ITPR1: variants seen among roughly 807,000 people sequenced by gnomAD.
ITPR1 encodes inositol 1,4,5-trisphosphate receptor type 1.
Under a neutral mutation model 318.4 loss-of-function variants are expected in ITPR1, and 96 were observed. The ratio of observed to expected loss-of-function variants is 0.30; its 90% confidence interval spans 0.26 to 0.36. The LOEUF (loss-of-function observed/expected upper bound fraction) is 0.36. Among genes scored for constraint, ITPR1 ranks in the 10% least tolerant of loss-of-function variants. The pLI is 1.00. For synonymous variants in ITPR1, 1,312 were observed against 1,289.9 expected (o/e 1.02, Z -0.37); for missense variants, 2,440 against 3,460.2 (o/e 0.71, Z 7.40).
At chr3:4,664,439 T>G (rs2093903236) in intron 16 of ITPR1, among the ~76,000 whole-genome samples, 1 of 152,150 alleles carries the variant, frequency 6.6e-6, no homozygotes, top group Non-Finnish European at 1.5e-5. Flanking sequence ...AGAAACATAT[T>G]AGTTACAAGT....
At chr3:4,549,021 CAG>C (rs993623802) in intron 4 of ITPR1, among the ~76,000 whole-genome samples, 3 of 152,156 alleles carry the variant, frequency 2.0e-5, no homozygotes, top group Admixed American at 2.0e-4. Context: ...TTCTTGGTCA[CAG>C]AGTGCAAACA....
chr3:4,823,626 G>T (rs139857783), intron 60 of ITPR1, among the ~76,000 whole-genome samples: 1 of 152,122 alleles, frequency 6.6e-6, no homozygotes, highest in Non-Finnish European at 1.5e-5. Context: ...AATTGATCAC[G>T]TGGCAAGTGG....
intron 14 of ITPR1, among the ~76,000 whole-genome samples, chr3:4,661,466 T>G (rs2093831321): frequency 6.6e-6 from 1 of 152,188 alleles, no homozygotes; most frequent in Admixed American, 6.5e-5. Context: ...TCTCTCTATA[T>G]GTCAATATAC....
intron 5 of ITPR1, among the ~76,000 whole-genome samples, chr3:4,631,648 A>C (rs1034292322): frequency 3.9e-5 from 6 of 152,166 alleles, no homozygotes; most frequent in African/African-American, 1.4e-4. Flanking sequence ...TCTTTTTCCA[A>C]AATAATCAGC....
At chr3:4,542,101 C>T (rs939854474) in intron 4 of ITPR1, among the ~76,000 whole-genome samples, 1 of 152,108 alleles carries the variant, frequency 6.6e-6, no homozygotes, top group Non-Finnish European at 1.5e-5. Context: ...TTTGGGACTT[C>T]TGAAACGTTT....
At chr3:4,713,748 A>G (rs997892566) in intron 39 of ITPR1, among the ~76,000 whole-genome samples, 4 of 152,238 alleles carry the variant, frequency 2.6e-5, no homozygotes, top group Middle Eastern at 3.2e-3. Flanking sequence ...CCTGGGGTCT[A>G]GCTTAAATCC....
At chr3:4,520,840 C>A (rs1032485638) in intron 3 of ITPR1, among the ~76,000 whole-genome samples, 184 bp from the exon 4 acceptor site, 12 of 152,192 alleles carry the variant, frequency 7.9e-5, no homozygotes, top group Admixed American at 2.0e-4. Flanking sequence ...CAGAACAGAA[C>A]CCTGGGCTTT....
At chr3:4,522,562 A>C (rs555110194) in intron 4 of ITPR1, among the ~76,000 whole-genome samples, 25 of 152,330 alleles carry the variant, frequency 1.6e-4, no homozygotes, top group South Asian at 1.0e-3. Context: ...ACAGTTGTTG[A>C]TACAAGTTGT....
chr3:4,782,279 A>C, intron 49 of ITPR1: 1 of 174,614 alleles, frequency 5.7e-6, no homozygotes, highest in Non-Finnish European at 1.2e-5. Context: ...TTGAGATAGG[A>C]AAAGTCTGGC....
intron 60 of ITPR1, among the ~76,000 whole-genome samples, chr3:4,827,961 G>A (rs750333675): frequency 5.3e-5 from 8 of 152,058 alleles, no homozygotes; most frequent in East Asian, 1.9e-4. Context: ...ATGGCGAGAC[G>A]GATAACATCT....
intron 60 of ITPR1, among the ~76,000 whole-genome samples, chr3:4,820,809 A>G (rs2049658413): frequency 6.6e-6 from 1 of 151,212 alleles, no homozygotes. Flanking sequence ...TAGGCTTGAA[A>G]CCACATGAAT....
At position 4,670,779 on chromosome 3, in the gene ITPR1, A is replaced by G. The variant is rs770855327; in HGVS notation, c.2057A>G (p.Asn686Ser). ...GAAGGTGTCTCTTCCACTGGAGAGA[A>G]TGCTCTGGAGGCAGGAGAAGACGAG... ...EFEGVSSTGE[N>S]ALEAGEDEEE... The change falls in exon 20 of 62, where the codon AAT becomes AGT. Residue 686 changes from asparagine to serine, a missense_variant. Physicochemically the swap from Asn to Ser is conservative, Grantham distance 46. Transcript: ENST00000649015. 1.2e-6 allele frequency: 2 copies of G among 1,607,190 alleles called. No homozygotes were observed. Among genetic ancestry groups the G allele is most frequent in the South Asian group, 1.1e-5 (1 of 89,568 alleles).
At position 4,787,998 on chromosome 3, in the gene ITPR1, A is replaced by T; in HGVS notation, c.6667A>T (p.Ile2223Leu). 6.2e-7 allele frequency: 1 copy of T among 1,613,148 alleles called. No homozygotes were observed. The highest frequency in any genetic ancestry group is 8.5e-7 in the Non-Finnish European group (1 of 1,179,384). Residue 2223 changes from isoleucine to leucine, a missense_variant, in exon 52 of 62, where the codon ATA becomes TTA. By Grantham distance (5) the Ile-to-Leu change is conservative. Coordinates refer to ENST00000649015, the MANE Select transcript of ITPR1 (RefSeq NM_001378452.1). ...ACAGATAGTCTTTCCCGTGCCCAGC[A>T]TATGTGAATTCCTAACCAAGGAGTC... Reference protein sequence around the residue: ...MEQIVFPVPSICEFLTKESKL... With the variant: ...MEQIVFPVPSLCEFLTKESKL...
intron 33 of ITPR1, among the ~76,000 whole-genome samples, chr3:4,695,866 C>T (rs2094549491): frequency 6.6e-6 from 1 of 152,278 alleles, no homozygotes; most frequent in African/African-American, 2.4e-5. Context: ...ATTGTGCATA[C>T]ATCCTGGCCC....
chr3:4,674,333 T>C lies in ITPR1; in HGVS notation c.2588T>C (p.Leu863Pro), dbSNP rs1364552347. ...TTCTCTGATAAAGAGAAGAATAAGC[T>C]TACGTTTGAGGTAACTCATGATGAA... ...FPFSDKEKNKLTFEVVNLARN... is the reference protein window; with the variant it reads ...FPFSDKEKNKPTFEVVNLARN... Residue 863 changes from leucine (L) to proline (P), a missense_variant, in exon 22 of 62, where the codon CTT becomes CCT. Leu to Pro is a moderately conservative substitution (Grantham distance 98). Around this residue, in one of 23 missense-constraint regions of ITPR1, gnomAD observed 478 missense variants for 696.3 expected, o/e 0.69. Transcript: ENST00000649015. 3.1e-6 allele frequency: 5 copies of C among 1,607,344 alleles called. No individual in the cohort carries two copies. The highest frequency in any genetic ancestry group is 4.2e-6 in the Non-Finnish European group (5 of 1,176,702).
At chr3:4,805,960 C>A (rs549091618) in intron 54 of ITPR1, 143 bp from the exon 55 acceptor site, 3 of 636,848 alleles carry the variant, frequency 4.7e-6, no homozygotes, top group East Asian at 2.8e-5. Context: ...TGGGTCTTGG[C>A]GGGTTTGGTG....
intron 44 of ITPR1, among the ~76,000 whole-genome samples, chr3:4,764,028 C>T (rs868410832): frequency 3.0e-4 from 45 of 152,352 alleles, no homozygotes; most frequent in Middle Eastern, 3.4e-3. Flanking sequence ...AAGCGAATGG[C>T]CCTGCACGGC....
At chr3:4,644,345 G>C (rs1325698887) in intron 8 of ITPR1, 111 bp downstream of exon 8, 3 of 702,384 alleles carry the variant, frequency 4.3e-6, no homozygotes, top group Non-Finnish European at 4.9e-6. Flanking sequence ...TTGGGGCAGG[G>C]TGCCCATTCT....
intron 35 of ITPR1, among the ~76,000 whole-genome samples, chr3:4,701,571 G>C (rs1179818433): frequency 6.6e-6 from 1 of 152,220 alleles, no homozygotes; most frequent in Non-Finnish European, 1.5e-5. Context: ...AGAAGGCAAT[G>C]AGATTCTGGC....
Sources: allele counts gnomAD v4.1 joint callset (sites outside exome capture counted in the v4.1 genomes callset), GRCh38; gene constraint gnomAD v4.1.1; regional missense constraint gnomAD v4.1.1; transcripts MANE v1.5; gene names NCBI Gene and HGNC (gene_info 2026-07-23, HGNC 2026-07-21).